The following MAPK14 variants were observed in gnomAD, a reference collection of about 807,000 sequenced individuals.
MAPK14 encodes mitogen-activated protein kinase 14.
Under a neutral mutation model 49.6 loss-of-function variants are expected in MAPK14, and 16 were observed. That is an observed-to-expected ratio of 0.32 (90% CI 0.22 to 0.49). The LOEUF (loss-of-function observed/expected upper bound fraction) is 0.49. Among genes scored for constraint, MAPK14 ranks in the 20% least tolerant of loss-of-function variants. The pLI, the probability that MAPK14 is intolerant of heterozygous loss-of-function variation, is 0.99. For synonymous variants in MAPK14, 142 were observed against 158.0 expected (o/e 0.90, Z 0.76); for missense variants, 200 against 441.2 (o/e 0.45, Z 4.90).
chr6:36,101,160 C>T (rs1765620113), intron 9 of MAPK14, among the ~76,000 whole-genome samples: 2 of 152,178 alleles, frequency 1.3e-5, no homozygotes, highest in Admixed American at 1.3e-4. Context: ...AAGCGGAAGG[C>T]TGGGTGTGGT....
intron 1 of MAPK14, among the ~76,000 whole-genome samples, chr6:36,050,609 T>G (rs558885074): frequency 6.6e-6 from 1 of 152,126 alleles, no homozygotes; most frequent in Non-Finnish European, 1.5e-5. Context: ...AGAAACTAAC[T>G]TTTCAATGAA....
rs74884142 is a variant in MAPK14 at position 36,066,923 on chromosome 6, A to T, written c.306-5950A>T. 6.6e-4 allele frequency among the ~76,000 whole-genome samples: 100 copies of T among 152,300 alleles called. 1 individual carries two copies. In the East Asian group the frequency reaches 0.016, roughly 25 times the overall value. ...GTAGTTTTGGAAATAATGCTGAAAG[A>T]AATACTAGCCTAGTTGCTTGAAACT... On this transcript the variant is annotated intron_variant, in intron 3 of 11. Transcript: ENST00000229794.
At chr6:36,060,079 GT>G (rs1371323654) in intron 3 of MAPK14, among the ~76,000 whole-genome samples, 1 of 152,198 alleles carries the variant, frequency 6.6e-6, no homozygotes, top group Non-Finnish European at 1.5e-5. Flanking sequence ...GGAACCAGTA[GT>G]GGGGGGCTAG....
chr6:36,062,898 T>C (rs1763882694), intron 3 of MAPK14, among the ~76,000 whole-genome samples: 1 of 152,132 alleles, frequency 6.6e-6, no homozygotes, highest in Non-Finnish European at 1.5e-5. Flanking sequence ...CCTCAAGTGA[T>C]CCACCCACCT....
At chr6:36,111,891 G>C (rs1369750392), downstream of MAPK14, among the ~76,000 whole-genome samples, 2 of 152,168 alleles carry the variant, frequency 1.3e-5, no homozygotes, top group East Asian at 3.8e-4. Context: ...TTGTTACATG[G>C]GGTCCTTTAG....
intron 8 of MAPK14, among the ~76,000 whole-genome samples, chr6:36,093,490 C>G (rs1389625761): frequency 6.6e-6 from 1 of 152,050 alleles, no homozygotes; most frequent in Non-Finnish European, 1.5e-5. Context: ...GAGGCCGAGG[C>G]AGGCGGATCA....
At chr6:36,044,928 T>G (rs1479342360) in intron 1 of MAPK14, among the ~76,000 whole-genome samples, 1 of 151,668 alleles carries the variant, frequency 6.6e-6, no homozygotes. Context: ...AGCCTAGGAG[T>G]TCAAGACCAG....
chr6:36,050,160 T>C (rs1481709898), intron 1 of MAPK14, among the ~76,000 whole-genome samples: 2 of 152,188 alleles, frequency 1.3e-5, no homozygotes, highest in Admixed American at 1.3e-4. Flanking sequence ...GATTCAGTCA[T>C]GGAGAATTAA....
At chr6:36,098,533 T>G (rs1379818544) in intron 9 of MAPK14, among the ~76,000 whole-genome samples, 1 of 152,154 alleles carries the variant, frequency 6.6e-6, no homozygotes, top group African/African-American at 2.4e-5. Flanking sequence ...CAAGACCTTG[T>G]CTTTAAAAAT....
chr6:36,100,631 A>AT (rs1362972295), intron 9 of MAPK14, among the ~76,000 whole-genome samples: 5 of 152,050 alleles, frequency 3.3e-5, no homozygotes, highest in South Asian at 2.1e-4. Context: ...CAATTCATCC[A>AT]TTTTTTTAAT....
chr6:36,046,230 A>T (rs1331241328), intron 1 of MAPK14, among the ~76,000 whole-genome samples: 1 of 152,230 alleles, frequency 6.6e-6, no homozygotes, highest in Non-Finnish European at 1.5e-5. Flanking sequence ...TACTATACCA[A>T]TGATTTTATA....
At chr6:36,076,691 G>C in intron 8 of MAPK14, 83 bp downstream of exon 8, 2 of 1,030,592 alleles carry the variant, frequency 1.9e-6, no homozygotes, top group South Asian at 1.4e-5. Context: ...CTTATCTCTA[G>C]GGAAGACTCT....
intron 8 of MAPK14, among the ~76,000 whole-genome samples, chr6:36,095,682 GCAGCTAAGAAC>G (rs1765417835): frequency 6.6e-6 from 1 of 152,184 alleles, no homozygotes; most frequent in African/African-American, 2.4e-5. Flanking sequence ...GCTGTCTTTG[GCAGCTAAGAAC>G]CAGCTAAAGT....
chr6:36,111,905 C>T (rs1167001591), downstream of MAPK14, among the ~76,000 whole-genome samples: 1 of 152,164 alleles, frequency 6.6e-6, no homozygotes, highest in East Asian at 1.9e-4. Context: ...CCTTTAGCTC[C>T]TGTTAAGAAT....
At chr6:36,047,517 G>T (rs907834000) in intron 1 of MAPK14, among the ~76,000 whole-genome samples, 1 of 152,198 alleles carries the variant, frequency 6.6e-6, no homozygotes, top group Non-Finnish European at 1.5e-5. Flanking sequence ...TTCCTTGAAT[G>T]GTTTGAAGGA....
chr6:36,100,192 T>A, intron 9 of MAPK14: 1 of 1,609,780 alleles, frequency 6.2e-7, no homozygotes, highest in Non-Finnish European at 8.5e-7. Flanking sequence ...TCTAAGATAT[T>A]AACCAGCTTC....
At chr6:36,057,578 G>A (rs1390434678) in intron 2 of MAPK14, among the ~76,000 whole-genome samples, 1 of 152,152 alleles carries the variant, frequency 6.6e-6, no homozygotes, top group Non-Finnish European at 1.5e-5. Flanking sequence ...TTGGAGTCGG[G>A]CGTGGTGGTG....
chr6:36,055,001 C>G (rs143070353), intron 2 of MAPK14, among the ~76,000 whole-genome samples: 143 of 152,332 alleles, frequency 9.4e-4, no homozygotes, highest in Non-Finnish European at 1.7e-3. Context: ...CTTGAATTGT[C>G]TCTTCTGTTA....
chr6:36,035,625 G>A (rs1379414790), intron 1 of MAPK14, among the ~76,000 whole-genome samples: 2 of 152,232 alleles, frequency 1.3e-5, no homozygotes, highest in African/African-American at 2.4e-5. Flanking sequence ...GTACCAAACA[G>A]CCAATTTGTG....
Sources: allele counts gnomAD v4.1 joint callset (sites outside exome capture counted in the v4.1 genomes callset), GRCh38; gene constraint gnomAD v4.1.1; transcripts MANE v1.5; gene names NCBI Gene and HGNC (gene_info 2026-07-23, HGNC 2026-07-21).